The following WDR70 variants were observed in gnomAD, a reference collection of about 807,000 sequenced individuals.
The protein encoded by WDR70 is WD repeat-containing protein 70.
In WDR70, 53 loss-of-function variants were observed where a neutral mutation model predicts 88.6. That is an observed-to-expected ratio of 0.60 (90% confidence interval 0.48 to 0.75). The LOEUF is 0.75. Ranked by LOEUF, WDR70 falls within the 30% of genes least tolerant of loss-of-function variation. The probability of loss-of-function intolerance (pLI) is 0.00; values close to 1 mark genes in which losing one functional copy is unlikely to be tolerated. For missense variants in WDR70, 610 were observed against 823.2 expected, an observed-to-expected ratio of 0.74 and a Z score of 3.17; for synonymous variants, 280 against 270.0, an observed-to-expected ratio of 1.04 and a Z score of -0.36.
At chr5:37,618,241 T>C (rs1309894610) in intron 10 of WDR70, among the ~76,000 whole-genome samples, 1 of 152,250 alleles carries the variant, frequency 6.6e-6, no homozygotes, top group Non-Finnish European at 1.5e-5. Context: ...TATAATCTTA[T>C]ATTTTCATTA....
intron 10 of WDR70, among the ~76,000 whole-genome samples, chr5:37,676,520 A>G (rs1401679737): frequency 2.0e-5 from 3 of 151,960 alleles, no homozygotes; most frequent in African/African-American, 7.3e-5. Flanking sequence ...GGTTCTGTTT[A>G]TATGCTGGAT....
At chr5:37,467,961 G>A (rs879407906) in intron 7 of WDR70, among the ~76,000 whole-genome samples, 1 of 152,010 alleles carries the variant, frequency 6.6e-6, no homozygotes, top group Non-Finnish European at 1.5e-5. Context: ...TGATCTGCCC[G>A]CCTCGGCCTC....
rs1749185456 is a variant in WDR70 at position 37,401,306 on chromosome 5, C to G, written c.492+4736C>G. ...ATTACAGGCTTGAGTCACTGCCCAG[C>G]CAAAGATTAATTTTTTTTTTTTTTT... On this transcript the variant is annotated intron_variant, in intron 5 of 17. Transcript: ENST00000265107. Among the ~76,000 whole-genome samples, 3 of 143,568 alleles carry G rather than the reference C, an allele frequency of 2.1e-5. 1 individual carries two copies. The South Asian group carries it at 6.8e-4, about 32-fold the overall frequency. 94.2% of individuals were successfully genotyped at this position (143,568 alleles called of 152,430 possible). A position where few individuals can be genotyped will look rare whatever the true frequency, so the allele number is the denominator to read the frequency against.
intron 3 of WDR70, 68 bp from the exon 4 acceptor site, chr5:37,391,932 C>G: frequency 6.6e-7 from 1 of 1,519,140 alleles, no homozygotes; most frequent in Non-Finnish European, 8.9e-7. Flanking sequence ...TTTAGCCTTT[C>G]TAATACTAAC....
chr5:37,548,312 T>C (rs1742051143), intron 9 of WDR70, among the ~76,000 whole-genome samples: 1 of 152,204 alleles, frequency 6.6e-6, no homozygotes, highest in African/African-American at 2.4e-5. Flanking sequence ...GCATTTGTTA[T>C]TGCCTTTTGG....
chr5:37,688,065 G>T, intron 10 of WDR70: 4 of 512,436 alleles, frequency 7.8e-6, no homozygotes, highest in South Asian at 3.1e-5. Flanking sequence ...ATATGCATGT[G>T]TTTACTTATA....
At chr5:37,495,799 G>T (rs1170246525) in intron 8 of WDR70, among the ~76,000 whole-genome samples, 1 of 152,166 alleles carries the variant, frequency 6.6e-6, no homozygotes, top group Non-Finnish European at 1.5e-5. Flanking sequence ...ACCCATTTAA[G>T]AATCCTTAGT....
At chr5:37,423,893 A>G in intron 5 of WDR70, among the ~76,000 whole-genome samples, 1 of 147,374 alleles carries the variant, frequency 6.8e-6, no homozygotes, top group South Asian at 2.2e-4. Flanking sequence ...TCATGCCTAT[A>G]ATCCCAGCAC....
At chr5:37,398,575 G>A (rs910630337) in intron 5 of WDR70, among the ~76,000 whole-genome samples, 2 of 152,044 alleles carry the variant, frequency 1.3e-5, no homozygotes, top group African/African-American at 4.8e-5. Flanking sequence ...GTCAATTTGC[G>A]TCTGTCTGTA....
intron 9 of WDR70, among the ~76,000 whole-genome samples, chr5:37,529,808 C>CT (rs1184727675): frequency 6.6e-6 from 1 of 151,980 alleles, no homozygotes; most frequent in African/African-American, 2.4e-5. Context: ...ATTTGGATGC[C>CT]TTGATTTCTT....
At chr5:37,599,122 C>T (rs1743788658) in intron 9 of WDR70, among the ~76,000 whole-genome samples, 1 of 152,194 alleles carries the variant, frequency 6.6e-6, no homozygotes, top group African/African-American at 2.4e-5. Context: ...AAGTCTAAAA[C>T]TTGCAGGCTT....
Position 37,526,092 on chromosome 5 carries a change from G to A in WDR70, c.917+9502G>A, listed in dbSNP as rs114151860. Among the ~76,000 whole-genome samples, 510 of 152,228 alleles carry A rather than the reference G, an allele frequency of 3.4e-3. 9 individuals carry two copies. Among genetic ancestry groups the A allele is most frequent in the African/African-American group, 0.011 (477 of 41,558 alleles). The stretch of plus-strand genomic sequence containing the variant: ...GGTACCATTCCTTCTGAAACCGTTC[G>A]AATCAATGGAAAAAGAGGGAATCCT... On this transcript the variant is annotated intron_variant, in intron 9 of 17. Coordinates refer to ENST00000265107, the MANE Select transcript of WDR70 (RefSeq NM_018034.4).
chr5:37,506,994 G>GACAC (rs149480402), intron 8 of WDR70: 100 of 535,572 alleles, frequency 1.9e-4, no homozygotes, highest in East Asian at 4.6e-4. Context: ...TGCCCTTGGG[G>GACAC]ACACACACAC....
chr5:37,475,843 A>T lies in WDR70; in HGVS notation c.687-3991A>T, dbSNP rs72738734. ...TACTGTCTTGTCTTTTGCATTACATATTTTTTTTTTTTTTTTTTGGAGATG... is the reference window on the plus strand; with the variant it reads ...TACTGTCTTGTCTTTTGCATTACATTTTTTTTTTTTTTTTTTTTGGAGATG... On this transcript the variant is annotated intron_variant, in intron 7 of 17. Transcript: ENST00000265107. Among the ~76,000 whole-genome samples, 201 of 120,594 alleles carry T rather than the reference A, an allele frequency of 1.7e-3. 1 individual carries two copies. The highest frequency in any genetic ancestry group is 4.7e-3 in the Middle Eastern group (1 of 212). The allele number at this position is 120,594 out of a possible 152,430, so 79.1% of individuals were successfully genotyped here.
intron 10 of WDR70, among the ~76,000 whole-genome samples, chr5:37,636,478 A>C (rs1744968220): frequency 6.6e-6 from 1 of 152,210 alleles, no homozygotes; most frequent in Non-Finnish European, 1.5e-5. Flanking sequence ...GTTTCAAGGT[A>C]TTTCCTCACA....
intron 10 of WDR70, among the ~76,000 whole-genome samples, chr5:37,606,774 A>G (rs1744039950): frequency 1.3e-5 from 2 of 152,074 alleles, no homozygotes; most frequent in African/African-American, 4.8e-5. Context: ...ATATTTTTAC[A>G]TTTGGATACA....
Position 37,557,903 on chromosome 5 carries a change from A to ACTCTTTTGAATACTCTTCAAAAGAGTG in WDR70, c.917+41323_917+41324insTACTCTTCAAAAGAGTGCTCTTTTGAA, listed in dbSNP as rs1742341302. Among the ~76,000 whole-genome samples the ACTCTTTTGAATACTCTTCAAAAGAGTG allele has an allele frequency of 2.3e-5, 3 of 131,302 alleles. 1 individual carries two copies. In the Admixed American group the frequency reaches 2.3e-4, roughly 10 times the overall value. 86.1% of individuals were successfully genotyped at this position (131,302 alleles called of 152,430 possible). ...ATTTAGTTTTCCTCTTCAGATTTAT[A>ACTCTTTTGAATACTCTTCAAAAGAGTG]CTCTTTTGAAAACTCTTCAAAAGAG... On this transcript the variant is annotated intron_variant, in intron 9 of 17. Transcript: ENST00000265107.
At chr5:37,511,835 T>C (rs193050896) in intron 8 of WDR70, among the ~76,000 whole-genome samples, 24 of 152,304 alleles carry the variant, frequency 1.6e-4, no homozygotes, top group Non-Finnish European at 3.1e-4. Context: ...TAGTTCTTCA[T>C]TATATTGAAG....
Position 37,510,077 on chromosome 5 carries a change from TC to T in WDR70, c.841-6428del, listed in dbSNP as rs549710643. ...GAGACCCTCATCTGTAAACAAACACTCCCCCCCCCAAAAAAAAACTTAATAA... is the reference window on the plus strand; with the variant it reads ...GAGACCCTCATCTGTAAACAAACACTCCCCCCCCAAAAAAAAACTTAATAA... On this transcript the variant is annotated intron_variant, in intron 8 of 17. Coordinates refer to ENST00000265107, the MANE Select transcript of WDR70 (RefSeq NM_018034.4). 5.3e-4 allele frequency among the ~76,000 whole-genome samples: 77 copies of T among 144,518 alleles called. 1 individual carries two copies. The highest frequency in any genetic ancestry group is 3.5e-3 in the Middle Eastern group (1 of 288). 94.8% of individuals were successfully genotyped at this position (144,518 alleles called of 152,430 possible). A position where few individuals can be genotyped will look rare whatever the true frequency, so the allele number is the denominator to read the frequency against.
Sources: allele counts gnomAD v4.1 joint callset (sites outside exome capture counted in the v4.1 genomes callset), GRCh38; gene constraint gnomAD v4.1.1; transcripts MANE v1.5; gene names NCBI Gene and HGNC (gene_info 2026-07-23, HGNC 2026-07-21).